Variants in NPAS3 observed in about 807,000 individuals in gnomAD.
NPAS3 encodes the protein neuronal PAS domain-containing protein 3.
In NPAS3, 14 loss-of-function variants were observed where a neutral mutation model predicts 73.1. The ratio of observed to expected loss-of-function variants is 0.19; its 90% confidence interval spans 0.13 to 0.30. The LOEUF (loss-of-function observed/expected upper bound fraction) is 0.30, where lower values mean the gene tolerates loss of function less well. Among genes scored for constraint, NPAS3 ranks in the 10% least tolerant of loss-of-function variants. The pLI is 1.00. For missense variants in NPAS3, 1,096 were observed against 1,250.0 expected, an observed-to-expected ratio of 0.88 and a Z score of 1.86; for synonymous variants, 620 against 541.5, an observed-to-expected ratio of 1.14 and a Z score of -2.01.
At chr14:33,350,449 G>A (rs7159440) in intron 3 of NPAS3, among the ~76,000 whole-genome samples, 117,369 of 152,152 alleles carry the variant, frequency 0.77, 46,219 homozygotes, top group African/African-American at 0.94. Flanking sequence ...CATGGTTTAT[G>A]CATACAGACT....
intron 6 of NPAS3, among the ~76,000 whole-genome samples, chr14:33,710,520 A>G (rs962171788): frequency 3.3e-5 from 5 of 152,192 alleles, no homozygotes; most frequent in Non-Finnish European, 5.9e-5. Flanking sequence ...CCGAGGCCGC[A>G]TTCTTCTCCT....
At chr14:33,232,806 T>C (rs1184492981) in intron 3 of NPAS3, among the ~76,000 whole-genome samples, 1 of 152,196 alleles carries the variant, frequency 6.6e-6, no homozygotes, top group Non-Finnish European at 1.5e-5. Context: ...ACATTTTAAA[T>C]AATGATTAAG....
intron 6 of NPAS3, among the ~76,000 whole-genome samples, chr14:33,682,453 G>GAACTT (rs1372955406): frequency 1.3e-5 from 2 of 152,188 alleles, no homozygotes; most frequent in African/African-American, 4.8e-5. Flanking sequence ...TCATCATTAA[G>GAACTT]AACTTACCTT....
chr14:33,410,225 T>C (rs2047861746), intron 4 of NPAS3, among the ~76,000 whole-genome samples: 1 of 152,198 alleles, frequency 6.6e-6, no homozygotes, highest in African/African-American at 2.4e-5. Flanking sequence ...CATATAGTTT[T>C]TCTGCCTACA....
At chr14:33,029,882 A>G (rs1034896258) in intron 1 of NPAS3, among the ~76,000 whole-genome samples, 1 of 152,224 alleles carries the variant, frequency 6.6e-6, no homozygotes, top group African/African-American at 2.4e-5. Flanking sequence ...CTCCAAATGG[A>G]TTATGCCAAT....
chr14:33,710,144 A>G (rs1174248362), intron 6 of NPAS3, among the ~76,000 whole-genome samples: 1 of 152,250 alleles, frequency 6.6e-6, no homozygotes, highest in East Asian at 1.9e-4. Flanking sequence ...GAAGTTACTA[A>G]CACAATGCGA....
intron 2 of NPAS3, among the ~76,000 whole-genome samples, chr14:33,114,658 G>T (rs2043003134): frequency 6.6e-6 from 1 of 152,130 alleles, no homozygotes; most frequent in African/African-American, 2.4e-5. Context: ...CTGCAGCAAT[G>T]AGTGTTTTGA....
chr14:33,419,098 G>A (rs1214066917), intron 4 of NPAS3, among the ~76,000 whole-genome samples: 1 of 151,910 alleles, frequency 6.6e-6, no homozygotes, highest in Non-Finnish European at 1.5e-5. Flanking sequence ...AGGAAATTGA[G>A]ATGAAGCTCT....
intron 1 of NPAS3, among the ~76,000 whole-genome samples, chr14:32,999,917 C>T (rs1329428780): frequency 6.6e-6 from 1 of 152,176 alleles, no homozygotes; most frequent in Non-Finnish European, 1.5e-5. Flanking sequence ...GTCCTTGTCT[C>T]CAAGGTATTT....
At chr14:33,604,404 CTA>C (rs1019908580) in intron 5 of NPAS3, among the ~76,000 whole-genome samples, 1 of 151,900 alleles carries the variant, frequency 6.6e-6, no homozygotes, top group Non-Finnish European at 1.5e-5. Context: ...AAGAATATAA[CTA>C]TGGATAAAGA....
chr14:33,092,979 C>T (rs1595431510), intron 2 of NPAS3, among the ~76,000 whole-genome samples: 1 of 152,230 alleles, frequency 6.6e-6, no homozygotes, highest in African/African-American at 2.4e-5. Context: ...CAAGATGGAT[C>T]AAAGACTTAA....
At chr14:33,528,862 ACAT>A (rs1013620089) in intron 4 of NPAS3, among the ~76,000 whole-genome samples, 24 of 152,152 alleles carry the variant, frequency 1.6e-4, no homozygotes, top group African/African-American at 5.8e-4. Flanking sequence ...GTCACGTGTC[ACAT>A]CATTTAATTC....
intron 3 of NPAS3, among the ~76,000 whole-genome samples, chr14:33,365,707 G>A (rs899582613): frequency 3.3e-5 from 5 of 152,058 alleles, no homozygotes; most frequent in South Asian, 2.1e-4. Context: ...TAACACACAC[G>A]CATTTTCACA....
chr14:33,649,349 C>T (rs1049015074), intron 5 of NPAS3, among the ~76,000 whole-genome samples: 1 of 152,204 alleles, frequency 6.6e-6, no homozygotes, highest in African/African-American at 2.4e-5. Flanking sequence ...GCTCAAGAGA[C>T]ATGACGCTGG....
At chr14:33,739,663 T>G (rs1170637094) in intron 7 of NPAS3, among the ~76,000 whole-genome samples, 1 of 152,204 alleles carries the variant, frequency 6.6e-6, no homozygotes, top group Non-Finnish European at 1.5e-5. Flanking sequence ...CTTTAAAGAT[T>G]TGATAAAATC....
intron 2 of NPAS3, among the ~76,000 whole-genome samples, chr14:33,061,771 T>C (rs769028581): frequency 2.0e-5 from 3 of 152,200 alleles, no homozygotes; most frequent in Non-Finnish European, 2.9e-5. Flanking sequence ...ACCTCTGCTC[T>C]CTAGAAGCCT....
chr14:33,091,649 C>T (rs184713378), intron 2 of NPAS3, among the ~76,000 whole-genome samples: 1 of 152,192 alleles, frequency 6.6e-6, no homozygotes, highest in East Asian at 1.9e-4. Context: ...GATACCAAAG[C>T]CTGGTGGAGA....
chr14:33,053,996 A>G lies in NPAS3; in HGVS notation c.51-1909A>G, dbSNP rs141989940. ...ATGACACTGAACAGAGATATAGAGTATTTCAGTGTGATCTTAGGTCAAACC... is the reference window on the plus strand; with the variant it reads ...ATGACACTGAACAGAGATATAGAGTGTTTCAGTGTGATCTTAGGTCAAACC... On this transcript the variant is annotated intron_variant, in intron 1 of 11. Transcript: ENST00000356141. Among the ~76,000 whole-genome samples the G allele has an allele frequency of 3.4e-3, 524 of 152,312 alleles. 3 individuals carry two copies. Among genetic ancestry groups the G allele is most frequent in the African/African-American group, 0.011 (451 of 41,578 alleles).
intron 4 of NPAS3, among the ~76,000 whole-genome samples, chr14:33,529,263 A>G (rs1195975791): frequency 1.3e-5 from 2 of 152,066 alleles, no homozygotes; most frequent in Non-Finnish European, 2.9e-5. Flanking sequence ...GTGTGTCTTA[A>G]CAGTTTCCCA....
Sources: allele counts gnomAD v4.1 joint callset (sites outside exome capture counted in the v4.1 genomes callset), GRCh38; gene constraint gnomAD v4.1.1; transcripts MANE v1.5; gene names NCBI Gene and HGNC (gene_info 2026-07-23, HGNC 2026-07-21).